CALN1: variants seen among roughly 807,000 people sequenced by gnomAD.
CALN1 encodes calneuron 1, also known as calcium-binding protein 8.
Under a neutral mutation model 30.6 loss-of-function variants are expected in CALN1, and 17 were observed. That is an observed-to-expected ratio of 0.56 (90% CI 0.38 to 0.83). The LOEUF (loss-of-function observed/expected upper bound fraction) is 0.83, where lower values mean the gene tolerates loss of function less well. Among genes scored for constraint, CALN1 ranks in the 40% least tolerant of loss-of-function variants. The pLI is 0.00. For synonymous variants in CALN1, 156 were observed against 131.4 expected (o/e 1.19, Z -1.28); for missense variants, 291 against 354.9 (o/e 0.82, Z 1.45).
intron 3 of CALN1, among the ~76,000 whole-genome samples, chr7:72,222,406 A>C (rs1793372212): frequency 1.3e-5 from 2 of 152,188 alleles, no homozygotes; most frequent in South Asian, 4.1e-4. Context: ...TGGCAAAAGC[A>C]GGAGCAAGAG....
chr7:71,904,676 A>T (rs547385356), intron 5 of CALN1, among the ~76,000 whole-genome samples: 2 of 152,224 alleles, frequency 1.3e-5, no homozygotes, highest in Non-Finnish European at 2.9e-5. Context: ...TTCTAAAAAA[A>T]TGCTGAGTGG....
the CALN1 span, among the ~76,000 whole-genome samples, chr7:72,473,139 A>AG: frequency 1.6e-4 from 24 of 150,070 alleles, no homozygotes; most frequent in African/African-American, 5.4e-4. Context: ...TTTAAGAGAG[A>AG]GGGGTCTCAC....
At chr7:72,480,027 T>C in the CALN1 span, among the ~76,000 whole-genome samples, 1 of 152,254 alleles carries the variant, frequency 6.6e-6, no homozygotes, top group African/African-American at 2.4e-5. Context: ...TGTAGCTTTA[T>C]AATATAATTC....
chr7:72,231,186 TA>T (rs1050589188), intron 3 of CALN1, among the ~76,000 whole-genome samples: 2 of 152,122 alleles, frequency 1.3e-5, no homozygotes, highest in African/African-American at 4.8e-5. Context: ...GTTACATAGG[TA>T]AACATGCACC....
chr7:72,262,556 C>G (rs1296255367), intron 3 of CALN1, among the ~76,000 whole-genome samples: 1 of 152,112 alleles, frequency 6.6e-6, no homozygotes, highest in African/African-American at 2.4e-5. Context: ...TTATTATGTT[C>G]CCGTGTACCC....
At chr7:72,290,646 C>G (rs1798415294) in intron 2 of CALN1, among the ~76,000 whole-genome samples, 3 of 152,214 alleles carry the variant, frequency 2.0e-5, no homozygotes, top group Admixed American at 1.3e-4. Context: ...ACTGATACAT[C>G]ATAGTGTTGT....
At chr7:72,379,251 T>TC (rs922965203) in intron 2 of CALN1, among the ~76,000 whole-genome samples, 1 of 152,070 alleles carries the variant, frequency 6.6e-6, no homozygotes, top group African/African-American at 2.4e-5. Context: ...CACCACACCC[T>TC]CCCAAAGTGC....
chr7:72,223,014 T>C (rs1793419265), intron 3 of CALN1, among the ~76,000 whole-genome samples: 1 of 152,074 alleles, frequency 6.6e-6, no homozygotes, highest in Non-Finnish European at 1.5e-5. Flanking sequence ...AAGCAAGACC[T>C]TGTCTCTAAA....
At chr7:72,106,595 G>C (rs973522327) in intron 3 of CALN1, among the ~76,000 whole-genome samples, 1 of 146,532 alleles carries the variant, frequency 6.8e-6, no homozygotes, top group Non-Finnish European at 1.5e-5. Context: ...AGGGAGAGTG[G>C]AAGAGAGGAA....
intron 5 of CALN1, among the ~76,000 whole-genome samples, chr7:71,886,261 C>T (rs1792901698): frequency 6.6e-6 from 1 of 152,244 alleles, no homozygotes; most frequent in South Asian, 2.1e-4. Context: ...CCAGCAGGGT[C>T]CTTAGGACAG....
chr7:72,113,078 G>A (rs1436608522), intron 3 of CALN1, among the ~76,000 whole-genome samples: 1 of 152,126 alleles, frequency 6.6e-6, no homozygotes, highest in Non-Finnish European at 1.5e-5. Flanking sequence ...TTGCACTAGG[G>A]CGATGCTATA....
intron 1 of CALN1, among the ~76,000 whole-genome samples, chr7:72,441,134 G>C (rs1808330640): frequency 6.6e-6 from 1 of 152,130 alleles, no homozygotes. Flanking sequence ...GCAGTTGTTT[G>C]ATGAATGCCG....
intron 5 of CALN1, among the ~76,000 whole-genome samples, chr7:71,938,582 G>A (rs112770913): frequency 6.6e-6 from 1 of 152,040 alleles, no homozygotes; most frequent in African/African-American, 2.4e-5. Context: ...AGATCACGAG[G>A]TCAGGAGTTC....
At chr7:72,290,101 A>T (rs1214158536) in intron 2 of CALN1, among the ~76,000 whole-genome samples, 5 of 121,966 alleles carry the variant, frequency 4.1e-5, no homozygotes, top group South Asian at 5.8e-4. Context: ...AAAAAAAAAA[A>T]AAAAAAAAAA....
chr7:72,376,760 T>G (rs1002577776), intron 2 of CALN1, among the ~76,000 whole-genome samples: 2 of 152,234 alleles, frequency 1.3e-5, no homozygotes, highest in African/African-American at 4.8e-5. Context: ...ACTTTCTGAT[T>G]CACATTTAGG....
intron 2 of CALN1, among the ~76,000 whole-genome samples, chr7:72,353,421 T>A (rs779367216): frequency 6.6e-6 from 1 of 152,132 alleles, no homozygotes; most frequent in Non-Finnish European, 1.5e-5. Context: ...TTAGTCTAAA[T>A]CTTAAATTCT....
At chr7:72,092,625 T>TAAAA (rs369445548) in intron 4 of CALN1, among the ~76,000 whole-genome samples, 61 of 106,236 alleles carry the variant, frequency 5.7e-4, no homozygotes, top group African/African-American at 2.2e-3. Context: ...TGTATTCTAG[T>TAAAA]AAAAAAAAAA....
intron 2 of CALN1, among the ~76,000 whole-genome samples, chr7:72,295,772 A>G (rs1305210722): frequency 1.3e-5 from 2 of 151,466 alleles, no homozygotes; most frequent in Non-Finnish European, 2.9e-5. Context: ...GGCTGAGACA[A>G]TGGGGTTTTC....
chr7:72,223,157 C>T (rs911301669), intron 3 of CALN1, among the ~76,000 whole-genome samples: 3 of 152,120 alleles, frequency 2.0e-5, no homozygotes, highest in African/African-American at 7.2e-5. Flanking sequence ...ATGGGCTTTC[C>T]TTGCTATTTA....
Sources: allele counts gnomAD v4.1 joint callset (sites outside exome capture counted in the v4.1 genomes callset), GRCh38; gene constraint gnomAD v4.1.1; transcripts MANE v1.5; gene names NCBI Gene and HGNC (gene_info 2026-07-23, HGNC 2026-07-21).